Variants in ROBO1 observed in about 807,000 individuals in gnomAD.
ROBO1 encodes roundabout guidance receptor 1.
Under a neutral mutation model 195.9 loss-of-function variants are expected in ROBO1, and 149 were observed. That is an observed-to-expected ratio of 0.76 (90% CI 0.67 to 0.87). The LOEUF is 0.87. ROBO1 is among the 40% of genes least tolerant of loss of function. ROBO1 has a pLI of 0.00. For missense variants in ROBO1, 1,933 were observed against 2,068.3 expected (o/e 0.93, Z 1.27); for synonymous variants, 816 against 733.2 (o/e 1.11, Z -1.82).
At chr3:78,625,053 C>T (rs1559661148) in intron 26 of ROBO1, among the ~76,000 whole-genome samples, 2 of 152,124 alleles carry the variant, frequency 1.3e-5, no homozygotes, top group South Asian at 2.1e-4. Flanking sequence ...TAACTTGACT[C>T]TGAATGGGGG....
intron 2 of ROBO1, among the ~76,000 whole-genome samples, chr3:79,571,234 C>T (rs759772466): frequency 6.6e-6 from 1 of 151,940 alleles, no homozygotes; most frequent in Non-Finnish European, 1.5e-5. Context: ...AAAAGTAATT[C>T]CAAGGTAAAA....
intron 1 of ROBO1, among the ~76,000 whole-genome samples, chr3:79,688,678 A>G (rs1338977623): frequency 6.6e-6 from 1 of 152,052 alleles, no homozygotes; most frequent in African/African-American, 2.4e-5. Flanking sequence ...ATTTATAAGA[A>G]CTAGAATTTT....
intron 1 of ROBO1, among the ~76,000 whole-genome samples, chr3:79,722,179 T>C (rs1238146629): frequency 7.4e-6 from 1 of 134,478 alleles, no homozygotes; most frequent in Non-Finnish European, 1.7e-5. Context: ...GGAAAACTAA[T>C]TTAAATGTTA....
chr3:79,174,412 G>A (rs77902397), intron 2 of ROBO1, among the ~76,000 whole-genome samples: 2 of 151,870 alleles, frequency 1.3e-5, no homozygotes, highest in African/African-American at 2.4e-5. Flanking sequence ...GAACACATCC[G>A]AACATTGGAA....
intron 3 of ROBO1, among the ~76,000 whole-genome samples, chr3:78,952,256 A>T (rs1230809989): frequency 6.6e-6 from 1 of 151,238 alleles, no homozygotes; most frequent in Non-Finnish European, 1.5e-5. Context: ...GCAGAAGAGG[A>T]ACAAATTCAG....
intron 2 of ROBO1, among the ~76,000 whole-genome samples, chr3:79,332,729 T>A (rs1207028454): frequency 6.6e-6 from 1 of 152,218 alleles, no homozygotes; most frequent in Non-Finnish European, 1.5e-5. Context: ...CTCAAAGTGA[T>A]CTTTCCTGAT....
chr3:79,096,161 G>A (rs1485485228), intron 3 of ROBO1, among the ~76,000 whole-genome samples: 2 of 151,846 alleles, frequency 1.3e-5, no homozygotes, highest in Non-Finnish European at 2.9e-5. Flanking sequence ...TGTCCAAAGA[G>A]GCTCTGTTAA....
chr3:79,398,675 A>G (rs889925151), intron 2 of ROBO1, among the ~76,000 whole-genome samples: 1 of 152,184 alleles, frequency 6.6e-6, no homozygotes, highest in Non-Finnish European at 1.5e-5. Flanking sequence ...TATGTACTGC[A>G]GTACATAAAG....
chr3:79,453,812 G>C (rs1397805907), intron 2 of ROBO1, among the ~76,000 whole-genome samples: 1 of 152,108 alleles, frequency 6.6e-6, no homozygotes, highest in Admixed American at 6.6e-5. Context: ...AGCTGTCCAA[G>C]AGACTGCACT....
At chr3:79,193,576 T>C (rs76547774) in intron 2 of ROBO1, among the ~76,000 whole-genome samples, 18,395 of 144,860 alleles carry the variant, frequency 0.13, 1,908 homozygotes, top group African/African-American at 0.29. Flanking sequence ...AAGGATGTGG[T>C]TTTGCTTTTT....
intron 3 of ROBO1, among the ~76,000 whole-genome samples, chr3:78,991,604 C>G (rs574878755): frequency 6.6e-6 from 1 of 152,270 alleles, no homozygotes; most frequent in Admixed American, 6.5e-5. Flanking sequence ...TTGAGTGATC[C>G]TGTATCCTGA....
intron 1 of ROBO1, among the ~76,000 whole-genome samples, chr3:79,605,516 C>T (rs114844387): frequency 1.3e-5 from 2 of 152,046 alleles, no homozygotes; most frequent in African/African-American, 4.8e-5. Context: ...TCTTTCCCTT[C>T]ATCTCTCATT....
intron 4 of ROBO1, among the ~76,000 whole-genome samples, chr3:78,780,006 C>T (rs1486980456): frequency 3.3e-5 from 5 of 152,020 alleles, no homozygotes; most frequent in Non-Finnish European, 5.9e-5. Context: ...AACACAGGAA[C>T]GGAAAACTGA....
chr3:79,344,791 T>C (rs565756414), intron 2 of ROBO1, among the ~76,000 whole-genome samples: 10 of 152,162 alleles, frequency 6.6e-5, no homozygotes, highest in Non-Finnish European at 1.3e-4. Flanking sequence ...CCAGTTGTAA[T>C]CCCCACGTGT....
intron 2 of ROBO1, among the ~76,000 whole-genome samples, chr3:79,244,320 C>G (rs950842452): frequency 2.0e-5 from 3 of 152,024 alleles, no homozygotes; most frequent in Admixed American, 6.6e-5. Context: ...GAATATTATG[C>G]AATGAAATAG....
At chr3:78,634,406 C>A (rs967034771) in intron 23 of ROBO1, 2 of 223,758 alleles carry the variant, frequency 8.9e-6, no homozygotes, top group Non-Finnish European at 2.0e-5. Flanking sequence ...TCTTAATTTG[C>A]CCCAGAAATG....
intron 2 of ROBO1, among the ~76,000 whole-genome samples, chr3:79,583,150 T>C (rs1183462277): frequency 2.0e-5 from 3 of 152,038 alleles, no homozygotes; most frequent in African/African-American, 4.8e-5. Flanking sequence ...GTCATTCTAA[T>C]TAATATGGTG....
At chr3:78,800,400 G>A (rs903789225) in intron 4 of ROBO1, among the ~76,000 whole-genome samples, 4 of 152,070 alleles carry the variant, frequency 2.6e-5, no homozygotes, top group African/African-American at 9.7e-5. Flanking sequence ...ATTTTAATGT[G>A]TATGCTCAGG....
At chr3:79,608,554 G>T (rs774300420) in intron 1 of ROBO1, among the ~76,000 whole-genome samples, 1 of 151,932 alleles carries the variant, frequency 6.6e-6, no homozygotes, top group Non-Finnish European at 1.5e-5. Context: ...GTTTACAAAC[G>T]TGGGTTAAAA....
Sources: allele counts gnomAD v4.1 joint callset (sites outside exome capture counted in the v4.1 genomes callset), GRCh38; gene constraint gnomAD v4.1.1; transcripts MANE v1.5; gene names NCBI Gene and HGNC (gene_info 2026-07-23, HGNC 2026-07-21).